PRR12: variants seen among roughly 807,000 people sequenced by gnomAD.
PRR12 encodes the protein proline-rich protein 12.
Under a neutral mutation model 138.0 loss-of-function variants are expected in PRR12, and 12 were observed. The observed-to-expected ratio is 0.09, with a 90% confidence interval of 0.06 to 0.14. The LOEUF is 0.14. Ranked by LOEUF, PRR12 falls within the 10% of genes least tolerant of loss-of-function variation. The pLI, the probability that PRR12 is intolerant of heterozygous loss-of-function variation, is 1.00. For missense variants in PRR12, 2,692 were observed against 2,861.3 expected, an observed-to-expected ratio of 0.94 and a Z score of 1.35; for synonymous variants, 1,567 against 1,291.7, an observed-to-expected ratio of 1.21 and a Z score of -4.57.
At position 49,597,740 on chromosome 19, in the gene PRR12, G is replaced by A. The variant is rs749064103; in HGVS notation, c.3405G>A (p.Ser1135=). The change falls in exon 4 of 14, where the codon TCG becomes TCA. Residue 1135 remains serine, a synonymous_variant. Coordinates refer to ENST00000418929, the MANE Select transcript of PRR12 (RefSeq NM_020719.3). The surrounding 1 kb of genome is among the most constrained non-coding windows in gnomAD (Gnocchi z 6.3). The stretch of plus-strand genomic sequence containing the variant: ...GCTGCCGCTCCCGTCCGGCCCTCTC[G>A]CCACTGGGGGACATCGACTTCTGCC... ...VSSCRSRPAL[S]PLGDIDFCPP... 19 of 1,607,388 alleles carry A rather than the reference G, an allele frequency of 1.2e-5. No individual in the cohort carries two copies. In the South Asian group the frequency reaches 1.4e-4, roughly 12 times the overall value.
At chr19:49,598,264 C>T (rs566216460) in intron 4 of PRR12, among the ~76,000 whole-genome samples, 16 of 151,820 alleles carry the variant, frequency 1.1e-4, no homozygotes, top group Admixed American at 4.6e-4. Flanking sequence ...TTAGTAGAGA[C>T]GGGGTTTCAC....
At chr19:49,618,377 C>G (rs957347000) in intron 9 of PRR12, among the ~76,000 whole-genome samples, 6 of 151,854 alleles carry the variant, frequency 4.0e-5, no homozygotes, top group Non-Finnish European at 8.8e-5. Context: ...ATCCTCACCT[C>G]TTTTCCTTTT....
intron 2 of PRR12, 72 bp downstream of exon 2, chr19:49,593,511 A>G (rs1038455999): frequency 2.9e-6 from 2 of 685,934 alleles, no homozygotes; most frequent in Admixed American, 5.1e-5. Flanking sequence ...TGGCTGTTGA[A>G]AGTTCCGCCC....
chr19:49,596,876 C>T lies in PRR12; in HGVS notation c.2541C>T (p.Pro847=). The change falls in exon 4 of 14, where the codon CCC becomes CCT. Residue 847 remains proline (P), a synonymous_variant. Transcript: ENST00000418929. This position sits in a 1 kb window ranked among gnomAD's most constrained non-coding sequence, Gnocchi z 5.6. The part of the protein sequence containing the change: ...PPPPPPPPPM[P]LQLEAHLRSH... ...CACCCCCGCCTCCACCACCCATGCC[C>T]CTGCAGCTCGAGGCCCACCTCCGCA... is the stretch of plus-strand genomic sequence containing the variant. 1.9e-6 allele frequency: 3 copies of T among 1,565,800 alleles called. No individual in the cohort carries two copies. The highest frequency in any genetic ancestry group is 1.4e-5 in the African/African-American group (1 of 74,006).
At chr19:49,610,620 A>T (rs1173296046) in intron 6 of PRR12, among the ~76,000 whole-genome samples, 14 of 141,274 alleles carry the variant, frequency 9.9e-5, no homozygotes, top group Non-Finnish European at 4.5e-5. Flanking sequence ...TCAGCTCACT[A>T]CAAGCTCCGC....
At chr19:49,610,351 C>T (rs950161734) in intron 6 of PRR12, among the ~76,000 whole-genome samples, 2 of 152,108 alleles carry the variant, frequency 1.3e-5, no homozygotes, top group Admixed American at 6.6e-5. Flanking sequence ...GCACTGCTTA[C>T]ACCACATGTC....
Position 49,595,043 on chromosome 19 carries a change from ACCT to A in PRR12, c.713_715del (p.Pro238del), listed in dbSNP as rs1180611682. On this transcript the variant is annotated inframe_deletion, in exon 4 of 14. Transcript: ENST00000418929. ...GCCCTGGCCCCCCAGACCCACCACC[ACCT>A]CCTCGCCACCTCCCAACTCAGTTCA... 3 of 1,471,356 alleles carry A rather than the reference ACCT, an allele frequency of 2.0e-6. No individual in the cohort carries two copies. Among genetic ancestry groups the A allele is most frequent in the African/African-American group, 1.7e-5 (1 of 60,312 alleles). The allele number at this position is 1,471,356 out of a possible 1,614,324, so 91.1% of individuals were successfully genotyped here.
Position 49,599,384 on chromosome 19 carries a change from A to G in PRR12, c.3791A>G (p.Glu1264Gly). ...LDSSLTREKIEAKIKEVEEKQ... is the reference protein window; with the variant it reads ...LDSSLTREKIGAKIKEVEEKQ... Reference sequence around the variant, plus strand: ...TCGAGCCTGACTCGGGAGAAGATCGAGGCCAAGATTAAGGAGGTGGAGGAG... The same window carrying G: ...TCGAGCCTGACTCGGGAGAAGATCGGGGCCAAGATTAAGGAGGTGGAGGAG... Residue 1264 changes from glutamate (E) to glycine (G), a missense_variant, in exon 5 of 14, where the codon GAG becomes GGG. Coordinates refer to ENST00000418929, the MANE Select transcript of PRR12 (RefSeq NM_020719.3). This position sits in a 1 kb window ranked among gnomAD's most constrained non-coding sequence, Gnocchi z 5.0. 1 of 1,612,794 alleles carries G rather than the reference A, an allele frequency of 6.2e-7. No homozygotes were observed. The highest frequency in any genetic ancestry group is 8.5e-7 in the Non-Finnish European group (1 of 1,179,606).
chr19:49,607,361 G>GCGCGCGCACACACACACACACA (rs1555742564), intron 6 of PRR12, among the ~76,000 whole-genome samples: 7 of 147,864 alleles, frequency 4.7e-5, no homozygotes, highest in South Asian at 2.1e-4. Flanking sequence ...ATGTACGTGT[G>GCGCGCGCACACACACACACACA]CACACACACA....
rs1432194922 is a variant in PRR12, at chr19:49,615,733, C to T, written c.5025-14C>T. The T allele has an allele frequency of 2.5e-6, 4 of 1,607,844 alleles. No individual in the cohort carries two copies. Among genetic ancestry groups the T allele is most frequent in the Middle Eastern group, 1.7e-4 (1 of 6,036 alleles). On this transcript the variant is annotated splice_polypyrimidine_tract_variant and intron_variant, in intron 8 of 13. Transcript: ENST00000418929. ...GGGGCTGCTGACTACAGTCCCTTCT[C>T]TGTTCCCTTCTAGACGCTCTGGGCA... is the stretch of plus-strand genomic sequence containing the variant.
chr19:49,610,043 C>T (rs933746611), intron 6 of PRR12, among the ~76,000 whole-genome samples: 3 of 151,826 alleles, frequency 2.0e-5, no homozygotes, highest in South Asian at 2.1e-4. Flanking sequence ...GGCGCGATCT[C>T]GGCTCACTGC....
intron 11 of PRR12, among the ~76,000 whole-genome samples, chr19:49,623,856 C>T (rs2080938826): frequency 7.3e-6 from 1 of 136,886 alleles, no homozygotes; most frequent in Non-Finnish European, 1.5e-5. Context: ...GCTGGGAATT[C>T]TGGGGTAGGT....
chr19:49,591,350 C>G lies in PRR12; in HGVS notation c.-305C>G, dbSNP rs1040754129. ...CGCCCCCCCTTTTCTCTCGCAAGCG[C>G]CGGGGCAAAGGCGGAGACAGCGGGG... On this transcript the variant is annotated 5_prime_UTR_variant, in exon 1 of 14. Transcript: ENST00000418929. Among the ~76,000 whole-genome samples, 14 of 150,168 alleles carry G rather than the reference C, an allele frequency of 9.3e-5. No individual in the cohort carries two copies. The highest frequency in any genetic ancestry group is 1.5e-4 in the Non-Finnish European group (10 of 67,228).
At chr19:49,612,639 C>A (rs2080872645) in intron 6 of PRR12, among the ~76,000 whole-genome samples, 2 of 152,022 alleles carry the variant, frequency 1.3e-5, no homozygotes, top group African/African-American at 4.8e-5. Context: ...CTTGGGCTGA[C>A]AAGATGCTCC....
intron 10 of PRR12, among the ~76,000 whole-genome samples, chr19:49,621,025 T>C (rs1448621281): frequency 7.9e-4 from 12 of 15,194 alleles, no homozygotes; most frequent in African/African-American, 1.2e-3. Context: ...GGGGCTGGGG[T>C]CTGGACTCCT....
Position 49,596,309 on chromosome 19 carries a change from G to T in PRR12, c.1974G>T (p.Ala658=), listed in dbSNP as rs756997930. 2.1e-5 allele frequency: 34 copies of T among 1,610,996 alleles called. No homozygotes were observed. In the South Asian group the frequency reaches 3.6e-4, roughly 17 times the overall value. ...CCAGCCCTCCTCGGACCTCAGGGGC[G>T]GACGGCTTGGTGGGCGAGGACGGGG... ...QAPSPPRTSG[A]DGLVGEDGAA... Residue 658 remains alanine (A), a synonymous_variant, in exon 4 of 14, where the codon GCG becomes GCT. Transcript: ENST00000418929. This position sits in a 1 kb window ranked among gnomAD's most constrained non-coding sequence, Gnocchi z 5.6.
Position 49,595,355 on chromosome 19 carries a change from C to G in PRR12, c.1020C>G (p.Ser340=). The G allele has an allele frequency of 1.1e-5, 17 of 1,541,236 alleles. No homozygotes were observed. Among genetic ancestry groups the G allele is most frequent in the Non-Finnish European group, 1.5e-5 (17 of 1,143,112 alleles). The change falls in exon 4 of 14, where the codon TCC becomes TCG. Residue 340 remains serine (S), a synonymous_variant. Coordinates refer to ENST00000418929, the MANE Select transcript of PRR12 (RefSeq NM_020719.3). ...ACSPLGGGEP[S]PGAGEPSKAG... ...GCCCCCTGGGTGGTGGGGAGCCCTCCCCGGGTGCTGGGGAGCCTAGCAAGG... is the reference window on the plus strand; with the variant it reads ...GCCCCCTGGGTGGTGGGGAGCCCTCGCCGGGTGCTGGGGAGCCTAGCAAGG...
intron 6 of PRR12, among the ~76,000 whole-genome samples, chr19:49,607,009 G>A (rs1227012302): frequency 6.6e-6 from 1 of 151,882 alleles, no homozygotes; most frequent in Non-Finnish European, 1.5e-5. Context: ...AAAAAGATAG[G>A]TGAAATTAGC....
chr19:49,624,657 C>T (rs1405929847), intron 11 of PRR12, among the ~76,000 whole-genome samples, 187 bp from the exon 12 acceptor site: 1 of 151,932 alleles, frequency 6.6e-6, no homozygotes. Flanking sequence ...GAATCTGAGC[C>T]AGGCCAGAAG....
Sources: allele counts gnomAD v4.1 joint callset (sites outside exome capture counted in the v4.1 genomes callset), GRCh38; gene constraint gnomAD v4.1.1; non-coding constraint Gnocchi (gnomAD v3.1); transcripts MANE v1.5; gene names NCBI Gene and HGNC (gene_info 2026-07-23, HGNC 2026-07-21).